Variants in SOX6 observed in about 807,000 individuals in gnomAD.
The protein encoded by SOX6 is SRY-box transcription factor 6.
SOX6 carries 11 observed loss-of-function variants against 97.8 expected under a neutral mutation model. The observed-to-expected ratio is 0.11, with a 90% CI of 0.07 to 0.19. The LOEUF (loss-of-function observed/expected upper bound fraction) is 0.19, where lower values mean the gene tolerates loss of function less well. SOX6 is among the 10% of genes least tolerant of loss of function. The pLI, the probability that SOX6 is intolerant of heterozygous loss-of-function variation, is 1.00. For missense variants in SOX6, 810 were observed against 1,039.5 expected (o/e 0.78, Z 3.04); for synonymous variants, 360 against 371.4 (o/e 0.97, Z 0.35).
chr11:16,684,341 T>C (rs1449394201), intron 3 of SOX6, among the ~76,000 whole-genome samples: 1 of 152,140 alleles, frequency 6.6e-6, no homozygotes, highest in East Asian at 1.9e-4. Flanking sequence ...CAAATGTCCA[T>C]CAATGATAGA....
chr11:16,063,381 T>C (rs1008710487), intron 9 of SOX6, among the ~76,000 whole-genome samples: 5 of 150,110 alleles, frequency 3.3e-5, no homozygotes, highest in Admixed American at 1.3e-4. Flanking sequence ...GTGTCAGTAA[T>C]TGATGTTATA....
At chr11:16,066,308 T>C (rs1176427941) in intron 9 of SOX6, among the ~76,000 whole-genome samples, 1 of 152,166 alleles carries the variant, frequency 6.6e-6, no homozygotes, top group Non-Finnish European at 1.5e-5. Flanking sequence ...TTGGTGAGAA[T>C]GTAAATTAGT....
At chr11:16,188,249 A>AAAGCTGTC (rs1851536030) in intron 4 of SOX6, among the ~76,000 whole-genome samples, 1 of 151,616 alleles carries the variant, frequency 6.6e-6, no homozygotes, top group Admixed American at 6.6e-5. Flanking sequence ...AAAAAAAAGA[A>AAAGCTGTC]AAGCTGTCAG....
At chr11:16,486,787 G>A (rs1008847543) in intron 4 of SOX6, among the ~76,000 whole-genome samples, 2 of 152,102 alleles carry the variant, frequency 1.3e-5, no homozygotes, top group African/African-American at 4.8e-5. Flanking sequence ...GGCAGAGGCA[G>A]CAGTGAACCA....
At chr11:16,243,002 C>G (rs1430437156) in intron 3 of SOX6, among the ~76,000 whole-genome samples, 1 of 151,822 alleles carries the variant, frequency 6.6e-6, no homozygotes, top group Non-Finnish European at 1.5e-5. Flanking sequence ...TTCACTTCCC[C>G]TCTTTGATCA....
chr11:16,429,827 AAAAT>A (rs1214529498), intron 1 of SOX6, among the ~76,000 whole-genome samples: 1 of 152,162 alleles, frequency 6.6e-6, no homozygotes, highest in Non-Finnish European at 1.5e-5. Flanking sequence ...GTAAAAGTTA[AAAAT>A]AAATAAATAA....
chr11:16,480,769 T>C (rs1001999915), upstream of SOX6, among the ~76,000 whole-genome samples: 1 of 152,052 alleles, frequency 6.6e-6, no homozygotes, highest in Non-Finnish European at 1.5e-5. Context: ...TTTAAAGAAC[T>C]AAAGTGCTTC....
intron 3 of SOX6, chr11:16,316,973 TATCTAATTTTATA>T (rs1442080592): frequency 9.9e-5 from 15 of 152,170 alleles, no homozygotes; most frequent in African/African-American, 3.6e-4. Context: ...ATTTCCTGAT[TATCTAATTTTATA>T]ATCTATAGGT....
intron 3 of SOX6, among the ~76,000 whole-genome samples, chr11:16,644,439 G>A (rs553429573): frequency 5.3e-5 from 8 of 152,198 alleles, no homozygotes; most frequent in African/African-American, 1.4e-4. Flanking sequence ...CCCTATTATA[G>A]CCCTATTACA....
intron 3 of SOX6, among the ~76,000 whole-genome samples, chr11:16,274,492 C>T (rs1005658236): frequency 1.3e-5 from 2 of 151,980 alleles, no homozygotes; most frequent in African/African-American, 4.8e-5. Flanking sequence ...TCATACATTT[C>T]TGTATTGATT....
intron 4 of SOX6, among the ~76,000 whole-genome samples, chr11:16,532,620 T>C (rs1176727872): frequency 1.3e-5 from 2 of 151,920 alleles, no homozygotes; most frequent in Non-Finnish European, 2.9e-5. Context: ...CAATGTATAC[T>C]CCAGAGTAAT....
At chr11:16,431,626 T>C (rs200393391) in intron 1 of SOX6, among the ~76,000 whole-genome samples, 1 of 152,026 alleles carries the variant, frequency 6.6e-6, no homozygotes, top group Non-Finnish European at 1.5e-5. Context: ...TGAGAAAGAA[T>C]AAAATGGAAC....
At chr11:16,335,792 A>G (rs1239773408) in intron 2 of SOX6, among the ~76,000 whole-genome samples, 3 of 152,202 alleles carry the variant, frequency 2.0e-5, no homozygotes, top group African/African-American at 4.8e-5. Context: ...AAAACACTCC[A>G]GAGTTGATTA....
At chr11:16,476,506 C>T (rs900788763), upstream of SOX6, 5 of 151,974 alleles carry the variant, frequency 3.3e-5, no homozygotes, top group Admixed American at 3.3e-4. Context: ...TGCAGTTGTC[C>T]CCATCTACTT....
intron 6 of SOX6, among the ~76,000 whole-genome samples, chr11:16,157,788 T>A (rs971080637): frequency 2.0e-5 from 3 of 152,050 alleles, no homozygotes. Flanking sequence ...ACATGCAATG[T>A]TCTTCATCTC....
At chr11:16,262,637 T>A (rs1287119434) in intron 3 of SOX6, among the ~76,000 whole-genome samples, 6 of 152,066 alleles carry the variant, frequency 3.9e-5, no homozygotes. Context: ...AGAGTGCATT[T>A]GCCAGATAAC....
intron 12 of SOX6, among the ~76,000 whole-genome samples, chr11:16,021,615 A>G (rs1479035239): frequency 1.3e-5 from 2 of 152,130 alleles, no homozygotes. Flanking sequence ...ATGATAATAT[A>G]GACTTTGGCT....
intron 6 of SOX6, among the ~76,000 whole-genome samples, chr11:16,124,549 A>G (rs1160128450): frequency 6.6e-6 from 1 of 152,026 alleles, no homozygotes; most frequent in Non-Finnish European, 1.5e-5. Context: ...ACAGGGTTAA[A>G]CGACCTGAGG....
chr11:16,737,011 T>G (rs1848396195), intron 1 of SOX6, among the ~76,000 whole-genome samples: 1 of 152,204 alleles, frequency 6.6e-6, no homozygotes, highest in Admixed American at 6.5e-5. Context: ...TTTGAATCTA[T>G]GACTGCATAA....
Sources: gnomAD v4.1 joint callset for allele counts (sites outside exome capture counted in the v4.1 genomes callset) on GRCh38, gnomAD v4.1.1 for gene constraint, MANE v1.5 for transcripts, NCBI Gene and HGNC (gene_info 2026-07-23, HGNC 2026-07-21) for gene names.